BANF2: variants seen among roughly 807,000 people sequenced by gnomAD.
The protein encoded by BANF2 is barrier-to-autointegration factor-like protein.
A neutral mutation model predicts 8.0 loss-of-function variants in BANF2; 4 were observed. That is an observed-to-expected ratio of 0.50 (90% confidence interval 0.25 to 1.14). BANF2 has a LOEUF of 1.14. BANF2 is among the 50% of genes most tolerant of loss of function. BANF2 has a pLI of 0.16. For synonymous variants in BANF2, 50 were observed against 40.6 expected (o/e 1.23, Z -0.88); for missense variants, 96 against 107.5 (o/e 0.89, Z 0.47).
intron 3 of BANF2, among the ~76,000 whole-genome samples, chr20:17,726,409 A>G (rs2037810321): frequency 6.6e-6 from 1 of 152,086 alleles, no homozygotes. Context: ...ATGGTCTCGA[A>G]CTCCTGGACT....
chr20:17,717,922 T>C (rs2037679138), intron 1 of BANF2, among the ~76,000 whole-genome samples: 1 of 152,176 alleles, frequency 6.6e-6, no homozygotes, highest in Non-Finnish European at 1.5e-5. Flanking sequence ...AATCTCACAG[T>C]TTCTCAGCAA....
intron 1 of BANF2, among the ~76,000 whole-genome samples, chr20:17,720,456 T>G (rs994899001): frequency 6.6e-6 from 1 of 152,230 alleles, no homozygotes; most frequent in African/African-American, 2.4e-5. Flanking sequence ...CTTGATAACA[T>G]TATGCTAAGT....
At chr20:17,702,331 C>T (rs968049731) in intron 1 of BANF2, among the ~76,000 whole-genome samples, 4 of 152,224 alleles carry the variant, frequency 2.6e-5, no homozygotes, top group African/African-American at 9.6e-5. Flanking sequence ...CCCGGCCCCT[C>T]ACTCTGATGG....
intron 3 of BANF2, among the ~76,000 whole-genome samples, chr20:17,730,543 G>A (rs1171381009): frequency 1.3e-5 from 2 of 151,974 alleles, no homozygotes; most frequent in East Asian, 3.9e-4. Flanking sequence ...CCTTACAGGC[G>A]GGGCTCTGCT....
At chr20:17,716,931 C>G (rs1255831527) in intron 1 of BANF2, among the ~76,000 whole-genome samples, 3 of 151,532 alleles carry the variant, frequency 2.0e-5, no homozygotes, top group Non-Finnish European at 4.4e-5. Flanking sequence ...CCAGGCTGGT[C>G]TTGAACTCCT....
chr20:17,704,522 T>A (rs1471383984), intron 1 of BANF2, among the ~76,000 whole-genome samples: 2 of 152,234 alleles, frequency 1.3e-5, no homozygotes, highest in Admixed American at 6.5e-5. Flanking sequence ...CATTACCCAC[T>A]GTTGCTGAGG....
At chr20:17,708,058 A>C (rs1325421642) in intron 1 of BANF2, among the ~76,000 whole-genome samples, 1 of 151,254 alleles carries the variant, frequency 6.6e-6, no homozygotes, top group Non-Finnish European at 1.5e-5. Context: ...AAAAAAAAAA[A>C]AAAAAAAAAC....
In BANF2 at chr20:17,725,029, GACA is replaced by G. The variant is rs747247991; in HGVS notation, c.8_10del (p.Asn3del). On this transcript the variant is annotated inframe_deletion, in exon 3 of 4. Transcript: ENST00000246090. ...CTCCCCACTGCTGTCGCAGGAGATG[GACA>G]ACATGTCTCCCAGGCTGAGAGCCTT... 8.1e-6 allele frequency: 13 copies of G among 1,606,804 alleles called. No individual in the cohort carries two copies. In the East Asian group the frequency reaches 2.9e-4, roughly 36 times the overall value.
At chr20:17,707,342 C>A (rs1339847229) in intron 1 of BANF2, among the ~76,000 whole-genome samples, 11 of 148,380 alleles carry the variant, frequency 7.4e-5, no homozygotes, top group Non-Finnish European at 1.2e-4. Context: ...GAGATCGCAC[C>A]ACTGCACTCT....
At chr20:17,716,717 T>C (rs1248763772) in intron 1 of BANF2, among the ~76,000 whole-genome samples, 1 of 150,890 alleles carries the variant, frequency 6.6e-6, no homozygotes, top group Non-Finnish European at 1.5e-5. Flanking sequence ...GGCATGCATC[T>C]GTGGTCCCAG....
At chr20:17,721,548 C>T (rs535412143) in intron 1 of BANF2, among the ~76,000 whole-genome samples, 11 of 152,064 alleles carry the variant, frequency 7.2e-5, no homozygotes, top group South Asian at 2.1e-4. Flanking sequence ...CACACCACTA[C>T]GCCTGGCTAA....
intron 3 of BANF2, among the ~76,000 whole-genome samples, chr20:17,734,251 G>T (rs779771812): frequency 6.6e-6 from 1 of 152,192 alleles, no homozygotes; most frequent in Non-Finnish European, 1.5e-5. Context: ...AGAAATCACA[G>T]TGCACTGAGT....
chr20:17,730,349 C>A (rs1298987036), intron 3 of BANF2, among the ~76,000 whole-genome samples: 1 of 152,158 alleles, frequency 6.6e-6, no homozygotes, highest in Non-Finnish European at 1.5e-5. Context: ...GACACCAAGT[C>A]ATTGTGCCGT....
At chr20:17,697,130 C>G (rs912613222), upstream of BANF2, among the ~76,000 whole-genome samples, 41 of 152,160 alleles carry the variant, frequency 2.7e-4, no homozygotes, top group African/African-American at 9.9e-4. Context: ...CATATTAATC[C>G]TAACAGGCCA....
upstream of BANF2, among the ~76,000 whole-genome samples, chr20:17,699,504 G>T (rs1278685318): frequency 3.3e-5 from 5 of 152,138 alleles, no homozygotes; most frequent in East Asian, 9.6e-4. Flanking sequence ...CCTACCAGGT[G>T]GGCAGTAGGG....
intron 1 of BANF2, chr20:17,693,728 T>G: frequency 6.4e-7 from 1 of 1,551,260 alleles, no homozygotes; most frequent in Non-Finnish European, 8.7e-7. Flanking sequence ...TGGTCTGACT[T>G]CCTTGCTCAC....
upstream of BANF2, among the ~76,000 whole-genome samples, chr20:17,695,601 G>GGTGT (rs71192402): frequency 6.3e-3 from 946 of 149,884 alleles, 9 homozygotes; most frequent in African/African-American, 0.018. Context: ...AAAAACCTAG[G>GGTGT]GTGTGTGTGT....
intron 2 of BANF2, 145 bp from the exon 3 acceptor site, chr20:17,724,878 A>G: frequency 1.2e-6 from 1 of 812,340 alleles, no homozygotes; most frequent in Non-Finnish European, 1.9e-6. Flanking sequence ...CATTTAGTAG[A>G]CCCCGGGAAA....
chr20:17,705,235 T>C (rs1258636692), intron 1 of BANF2, among the ~76,000 whole-genome samples: 1 of 152,068 alleles, frequency 6.6e-6, no homozygotes, highest in Non-Finnish European at 1.5e-5. Context: ...CAGGAAGAGG[T>C]GATTCTCCAT....
Sources: gnomAD v4.1 joint callset for allele counts (sites outside exome capture counted in the v4.1 genomes callset) on GRCh38, gnomAD v4.1.1 for gene constraint, MANE v1.5 for transcripts, NCBI Gene and HGNC (gene_info 2026-07-23, HGNC 2026-07-21) for gene names.